The following PTGDR variants were observed in gnomAD, a reference collection of about 807,000 sequenced individuals.
PTGDR encodes prostaglandin D2 receptor, also known as PGD2 receptor.
A neutral mutation model predicts 17.4 loss-of-function variants in PTGDR; 19 were observed. That is an observed-to-expected ratio of 1.09 (90% confidence interval 0.76 to 1.60). The LOEUF (loss-of-function observed/expected upper bound fraction) is 1.60, where lower values mean the gene tolerates loss of function less well. Among genes scored for constraint, PTGDR ranks in the 40% most tolerant of loss-of-function variants. The probability of loss-of-function intolerance (pLI) is 0.00; values close to 1 mark genes in which losing one functional copy is unlikely to be tolerated. For missense variants in PTGDR, 526 were observed against 481.9 expected (o/e 1.09, Z -0.86); for synonymous variants, 267 against 224.2 (o/e 1.19, Z -1.71).
chr14:52,277,619 G>A (rs191811059), downstream of PTGDR, among the ~76,000 whole-genome samples: 97 of 152,246 alleles, frequency 6.4e-4, no homozygotes, highest in African/African-American at 2.3e-3. Flanking sequence ...AACCTAAAGC[G>A]TTCTTTGCTG....
At chr14:52,279,096 T>C (rs1014831121), downstream of PTGDR, among the ~76,000 whole-genome samples, 2 of 152,192 alleles carry the variant, frequency 1.3e-5, no homozygotes, top group African/African-American at 2.4e-5. Context: ...ATATATACTG[T>C]AGAAGAGCTA....
rs1437454038 is a variant in PTGDR, at chr14:52,276,586, A to T, written c.*1622A>T. On this transcript the variant is annotated 3_prime_UTR_variant, in exon 2 of 2. Transcript: ENST00000306051. ...AAATTTAACTTTTGTTTGTACCTTC[A>T]ATGTGTAAGTACATGCATGTTTTAT... 1 of 152,196 alleles carries T rather than the reference A, an allele frequency of 6.6e-6. No homozygotes were observed. Among genetic ancestry groups the T allele is most frequent in the Non-Finnish European group, 1.5e-5 (1 of 68,036 alleles). 9.4% of individuals were successfully genotyped at this position (152,196 alleles called of 1,614,324 possible). A position where few individuals can be genotyped will look rare whatever the true frequency, so the allele number is the denominator to read the frequency against.
intron 1 of PTGDR, chr14:52,269,484 GGGAGTA>G: frequency 6.5e-7 from 1 of 1,535,282 alleles, no homozygotes; most frequent in Non-Finnish European, 8.7e-7. Flanking sequence ...CAAGACACCT[GGGAGTA>G]GGTGAGGCTT....
chr14:52,267,998 T>C lies in PTGDR; in HGVS notation c.184T>C (p.Tyr62His), dbSNP rs767261377. 3.0e-5 allele frequency: 49 copies of C among 1,609,960 alleles called. No individual in the cohort carries two copies. Among genetic ancestry groups the C allele is most frequent in the Non-Finnish European group, 3.9e-5 (46 of 1,179,990 alleles). Reference sequence around the variant, plus strand: ...ACTGCGCCCGCTGCCCTCGGTCTTCTACATGCTGGTGTGTGGCCTGACGGT... The same window carrying C: ...ACTGCGCCCGCTGCCCTCGGTCTTCCACATGCTGGTGTGTGGCCTGACGGT... ...RPLRPLPSVFYMLVCGLTVTD... is the reference protein window; with the variant it reads ...RPLRPLPSVFHMLVCGLTVTD... The change falls in exon 1 of 2, where the codon TAC becomes CAC. Residue 62 changes from tyrosine (Y) to histidine (H), a missense_variant. Coordinates refer to ENST00000306051, the MANE Select transcript of PTGDR (RefSeq NM_000953.3).
intron 1 of PTGDR, among the ~76,000 whole-genome samples, chr14:52,271,138 G>C (rs1323359762): frequency 6.6e-6 from 1 of 151,500 alleles, no homozygotes; most frequent in Non-Finnish European, 1.5e-5. Context: ...AACCATACTT[G>C]TTTTGTAAGA....
In PTGDR at chr14:52,268,275, C is replaced by G. The variant is rs778557419; in HGVS notation, c.461C>G (p.Pro154Arg). Reference protein sequence around the residue: ...ITLRLGALVAPVVSAFSLAFC... With the variant: ...ITLRLGALVARVVSAFSLAFC... ...CTGCGCCTGGGCGCACTGGTGGCCC[C>G]GGTGGTGAGCGCCTTCTCCCTGGCT... is the stretch of plus-strand genomic sequence containing the variant. Residue 154 changes from proline (P) to arginine (R), a missense_variant, in exon 1 of 2, where the codon CCG becomes CGG. By Grantham distance (103) the Pro-to-Arg change is moderately radical. Coordinates refer to ENST00000306051, the MANE Select transcript of PTGDR (RefSeq NM_000953.3). The G allele has an allele frequency of 1.3e-5, 21 of 1,613,838 alleles. No homozygotes were observed. The highest frequency in any genetic ancestry group is 1.1e-4 in the South Asian group (10 of 91,092).
rs368352795 is a variant in PTGDR, at chr14:52,267,777, T to G, written c.-38T>G. ...ACCCGGGCGCCGGGGCCCTCGCCCT[T>G]CCGCAGCCTTCACTCCAGCCCTCTG... is the stretch of plus-strand genomic sequence containing the variant. On this transcript the variant is annotated 5_prime_UTR_variant, in exon 1 of 2. Transcript: ENST00000306051. The G allele has an allele frequency of 8.6e-6, 13 of 1,503,360 alleles. No individual in the cohort carries two copies. Among genetic ancestry groups the G allele is most frequent in the African/African-American group, 1.4e-5 (1 of 71,476 alleles). 93.1% of individuals were successfully genotyped at this position (1,503,360 alleles called of 1,614,324 possible).
chr14:52,268,948 C>T (rs2033273444), intron 1 of PTGDR, among the ~76,000 whole-genome samples: 1 of 152,228 alleles, frequency 6.6e-6, no homozygotes, highest in Non-Finnish European at 1.5e-5. Context: ...ACTCCCTCCT[C>T]TCTGCTTCCT....
chr14:52,278,999 T>C (rs569550979), downstream of PTGDR, among the ~76,000 whole-genome samples: 21 of 152,346 alleles, frequency 1.4e-4, no homozygotes, highest in African/African-American at 4.6e-4. Context: ...AGGAAAATAT[T>C]ATACATTGAA....
chr14:52,278,409 T>C (rs1031490754), downstream of PTGDR, among the ~76,000 whole-genome samples: 7 of 152,032 alleles, frequency 4.6e-5, no homozygotes, highest in African/African-American at 1.2e-4. Context: ...TAGGTGGGAA[T>C]TGAACAATGA....
At chr14:52,269,328 C>A in intron 1 of PTGDR, 1 of 775,196 alleles carries the variant, frequency 1.3e-6, no homozygotes, top group Non-Finnish European at 2.1e-6. Flanking sequence ...GTCGTTTTGA[C>A]AACCTGACTT....
In PTGDR at chr14:52,276,516, A is replaced by G. The variant is rs996107474; in HGVS notation, c.*1552A>G. ...AAGCCAAATTAGGCATACAAGGAGT[A>G]TGATTTAACAGTATGACATGATGAA... On this transcript the variant is annotated 3_prime_UTR_variant, in exon 2 of 2. Transcript: ENST00000306051. 1 of 152,244 alleles carries G rather than the reference A, an allele frequency of 6.6e-6. No homozygotes were observed. The highest frequency in any genetic ancestry group is 2.4e-5 in the African/African-American group (1 of 41,456). 9.4% of individuals were successfully genotyped at this position (152,244 alleles called of 1,614,324 possible). A position where few individuals can be genotyped will look rare whatever the true frequency, so the allele number is the denominator to read the frequency against.
chr14:52,271,989 C>T (rs1469279261), intron 1 of PTGDR, among the ~76,000 whole-genome samples: 1 of 152,068 alleles, frequency 6.6e-6, no homozygotes, highest in East Asian at 1.9e-4. Flanking sequence ...TTTCTATTTG[C>T]CCCTTTCTCC....
rs2033407465 is a variant in PTGDR, at chr14:52,275,486, G to A, written c.*522G>A. 1.3e-5 allele frequency: 2 copies of A among 153,954 alleles called. No individual in the cohort carries two copies. The highest frequency in any genetic ancestry group is 4.8e-5 in the African/African-American group (2 of 41,406). 9.5% of individuals were successfully genotyped at this position (153,954 alleles called of 1,614,324 possible). A position where few individuals can be genotyped will look rare whatever the true frequency, so the allele number is the denominator to read the frequency against. The stretch of plus-strand genomic sequence containing the variant: ...ATCTAAGCATAGCCTGAATTATGAT[G>A]TTCCTCAGAGAAGTGAGGTGGGAAA... On this transcript the variant is annotated 3_prime_UTR_variant, in exon 2 of 2. Transcript: ENST00000306051.
chr14:52,279,184 G>A (rs1379597175), downstream of PTGDR, among the ~76,000 whole-genome samples: 2 of 152,216 alleles, frequency 1.3e-5, no homozygotes, highest in Admixed American at 1.3e-4. Context: ...TTCAATAAGA[G>A]GCTGCTGTAT....
Position 52,267,757 on chromosome 14 carries a change from G to C in PTGDR, c.-58G>C, listed in dbSNP as rs1188839961. On this transcript the variant is annotated 5_prime_UTR_variant, in exon 1 of 2. Coordinates refer to ENST00000306051, the MANE Select transcript of PTGDR (RefSeq NM_000953.3). ...GCTGCCGGGGGCTCCTTAGCACCCGGGCGCCGGGGCCCTCGCCCTTCCGCA... is the reference window on the plus strand; with the variant it reads ...GCTGCCGGGGGCTCCTTAGCACCCGCGCGCCGGGGCCCTCGCCCTTCCGCA... 2 of 1,481,416 alleles carry C rather than the reference G, an allele frequency of 1.4e-6. No individual in the cohort carries two copies. Among genetic ancestry groups the C allele is most frequent in the Non-Finnish European group, 1.8e-6 (2 of 1,118,882 alleles). The allele number at this position is 1,481,416 out of a possible 1,614,324, so 91.8% of individuals were successfully genotyped here.
At chr14:52,279,411 C>G (rs1208171439), downstream of PTGDR, among the ~76,000 whole-genome samples, 2 of 152,146 alleles carry the variant, frequency 1.3e-5, no homozygotes, top group African/African-American at 4.8e-5. Context: ...AAATTAACAA[C>G]ATAAAAAGTT....
chr14:52,270,708 G>A (rs1197350276), intron 1 of PTGDR, among the ~76,000 whole-genome samples: 1 of 151,990 alleles, frequency 6.6e-6, no homozygotes, highest in East Asian at 1.9e-4. Context: ...CAATCTTTAG[G>A]AGCTCCTATT....
At chr14:52,280,534 C>A (rs951389139), downstream of PTGDR, among the ~76,000 whole-genome samples, 1 of 152,158 alleles carries the variant, frequency 6.6e-6, no homozygotes, top group African/African-American at 2.4e-5. Context: ...TCCTTGGGGG[C>A]CCCAAGACCT....
Sources: gnomAD v4.1 joint callset for allele counts (sites outside exome capture counted in the v4.1 genomes callset) on GRCh38, gnomAD v4.1.1 for gene constraint, MANE v1.5 for transcripts, NCBI Gene and HGNC (gene_info 2026-07-23, HGNC 2026-07-21) for gene names.